Variants in CPNE7 observed in about 807,000 individuals in gnomAD.
The protein encoded by CPNE7 is copine-7.
A neutral mutation model predicts 66.5 loss-of-function variants in CPNE7; 78 were observed. The ratio of observed to expected loss-of-function variants is 1.17; its 90% CI spans 0.98 to 1.42. CPNE7 has a LOEUF of 1.42. CPNE7 is among the 40% of genes most tolerant of loss of function. The pLI is 0.00. For missense variants in CPNE7, 1,012 were observed against 776.6 expected (o/e 1.30, Z -3.60); for synonymous variants, 468 against 336.7 (o/e 1.39, Z -4.27).
In CPNE7 at chr16:89,588,800, C is replaced by T. The variant is rs759716313; in HGVS notation, c.1053C>T (p.Asp351=). 7 of 1,613,376 alleles carry T rather than the reference C, an allele frequency of 4.3e-6. No individual in the cohort carries two copies. The highest frequency in any genetic ancestry group is 5.1e-6 in the Non-Finnish European group (6 of 1,179,866). The change falls in exon 10 of 15, where the codon GAC becomes GAT. Residue 351 remains aspartate, a synonymous_variant. Transcript: ENST00000319518. ...TGTCCGTGGGCGAGATCTGCCAGGA[C>T]TATGACAGGTGCGCCCACCACCTTC... is the stretch of plus-strand genomic sequence containing the variant. ...ALVSVGEICQ[D]YDSDKRFSAL...
At position 89,575,912 on chromosome 16, in the gene CPNE7, G is replaced by C; in HGVS notation, c.15G>C (p.Ser5=). MSAG[S]ERGAAATPGG... ...ACGCCGGGAGCATGAGCGCGGGCTC[G>C]GAGCGCGGGGCGGCGGCAACCCCCG... The change falls in exon 1 of 15, where the codon TCG becomes TCC. Residue 5 remains serine, a synonymous_variant. Transcript: ENST00000319518. The C allele has an allele frequency of 4.8e-6, 6 of 1,244,922 alleles. No individual in the cohort carries two copies. The highest frequency in any genetic ancestry group is 6.0e-6 in the Non-Finnish European group (6 of 993,580). The allele number at this position is 1,244,922 out of a possible 1,614,324, so 77.1% of individuals were successfully genotyped here.
At chr16:89,596,218 G>A (rs755151542) in intron 14 of CPNE7, among the ~76,000 whole-genome samples, 4 of 152,056 alleles carry the variant, frequency 2.6e-5, no homozygotes, top group African/African-American at 9.7e-5. Context: ...GGGGAAGTGT[G>A]GGTGGGGCCT....
In CPNE7 at chr16:89,588,753, A is replaced by C; in HGVS notation, c.1006A>C (p.Asn336His). 6.2e-7 allele frequency: 1 copy of C among 1,613,734 alleles called. No homozygotes were observed. Among genetic ancestry groups the C allele is most frequent in the Non-Finnish European group, 8.5e-7 (1 of 1,179,974 alleles). ...GCACTACATCAACCCCTACCAGCCG[A>C]ACGAGTACCTGAAGGCACTGGTGTC... ...SLHYINPYQP[N>H]EYLKALVSVG... is the part of the protein sequence containing the mutation. Residue 336 changes from asparagine (N) to histidine (H), a missense_variant, in exon 10 of 15, where the codon AAC (asparagine) becomes CAC (histidine). By Grantham distance (68) the Asn-to-His change is moderately conservative. Transcript: ENST00000319518.
intron 1 of CPNE7, 24 bp downstream of exon 1, chr16:89,576,095 G>A: frequency 1.6e-6 from 2 of 1,244,730 alleles, no homozygotes; most frequent in Non-Finnish European, 2.0e-6. Context: ...GTGGGAGGCC[G>A]AGAGGCCACC....
At chr16:89,589,655 T>C (rs544675500) in intron 10 of CPNE7, among the ~76,000 whole-genome samples, 4 of 152,204 alleles carry the variant, frequency 2.6e-5, no homozygotes, top group African/African-American at 9.6e-5. Context: ...GGGGACAGCA[T>C]GTACACAAAC....
At chr16:89,596,362 GGT>G in intron 14 of CPNE7, 120 bp from the exon 15 acceptor site, 1 of 1,352,310 alleles carries the variant, frequency 7.4e-7, no homozygotes, top group Non-Finnish European at 1.0e-6. Context: ...GTGAGCCTCT[GGT>G]GGGGGTGGGT....
intron 11 of CPNE7, 78 bp downstream of exon 11, chr16:89,590,029 G>A (rs1415894305): frequency 4.3e-5 from 66 of 1,539,060 alleles, no homozygotes; most frequent in Non-Finnish European, 5.7e-5. Context: ...CCTGGCCCAG[G>A]GAGCCCTGGC....
rs914313905 is a variant in CPNE7 at position 89,585,705 on chromosome 16, G to C, written c.700G>C (p.Asp234His). The change falls in exon 7 of 15, where the codon GAC becomes CAC. Residue 234 changes from aspartate (D) to histidine (H), a missense_variant. Transcript: ENST00000319518. ...TCCCCAGTGCCTGGTCTGGGATTAC[G>C]ACTCTCGAGGAAAGCACGACTTCAT... is the stretch of plus-strand genomic sequence containing the variant. ...RPLKCLVWDYDSRGKHDFIGE... is the reference protein window; with the variant it reads ...RPLKCLVWDYHSRGKHDFIGE... 6.4e-7 allele frequency: 1 copy of C among 1,551,218 alleles called. No homozygotes were observed. The highest frequency in any genetic ancestry group is 8.7e-7 in the Non-Finnish European group (1 of 1,147,496).
chr16:89,588,658 C>A lies in CPNE7; in HGVS notation c.928-17C>A. 1 of 1,612,736 alleles carries A rather than the reference C, an allele frequency of 6.2e-7. No homozygotes were observed. The highest frequency in any genetic ancestry group is 8.5e-7 in the Non-Finnish European group (1 of 1,179,822). On this transcript the variant is annotated splice_polypyrimidine_tract_variant and intron_variant, in intron 9 of 14. Transcript: ENST00000319518. Reference sequence around the variant, plus strand: ...AGCCCCGGCCCAGCACAGCTCCTGGCTCCCGGCCCACTGCAGGTGGCCATT... The same window carrying A: ...AGCCCCGGCCCAGCACAGCTCCTGGATCCCGGCCCACTGCAGGTGGCCATT...
Position 89,583,893 on chromosome 16 carries a change from C to T in CPNE7, c.432+122C>T. 4 of 1,444,040 alleles carry T rather than the reference C, an allele frequency of 2.8e-6. No homozygotes were observed. The South Asian group carries it at 3.5e-5, about 13-fold the overall frequency. The allele number at this position is 1,444,040 out of a possible 1,614,324, so 89.5% of individuals were successfully genotyped here. On this transcript the variant is annotated intron_variant, in intron 3 of 14. Coordinates refer to ENST00000319518, the MANE Select transcript of CPNE7 (RefSeq NM_153636.3). ...GAGGGTCTGCAGGAGCCGGCAGCTA[C>T]ACAGCCCCGGGGGTACACAGACACC...
chr16:89,588,479 C>T (rs1018380777), intron 9 of CPNE7, among the ~76,000 whole-genome samples, 196 bp from the exon 10 acceptor site: 2 of 152,120 alleles, frequency 1.3e-5, no homozygotes, highest in African/African-American at 4.8e-5. Context: ...AGCCTAGGGG[C>T]TGGCAGGTTT....
Position 89,584,036 on chromosome 16 carries a change from C to A in CPNE7, c.441C>A (p.Ala147=). The change falls in exon 4 of 15, where the codon GCC becomes GCA. Residue 147 remains alanine (A), a synonymous_variant. Transcript: ENST00000319518. The surrounding 1 kb of genome is among the most constrained non-coding windows in gnomAD (Gnocchi z 6.0). Reference sequence around the variant, plus strand: ...GGGCGTCCCCCTGCCAGGTGATCGCCGAGGACATCTCGGGGAACAACGGCT... The same window carrying A: ...GGGCGTCCCCCTGCCAGGTGATCGCAGAGGACATCTCGGGGAACAACGGCT... The part of the protein sequence containing the change: ...NAGKSTITVI[A]EDISGNNGYV... The A allele has an allele frequency of 6.2e-7, 1 of 1,612,196 alleles. No individual in the cohort carries two copies. Among genetic ancestry groups the A allele is most frequent in the South Asian group, 1.1e-5 (1 of 91,058 alleles).
Position 89,584,149 on chromosome 16 carries a change from A to G in CPNE7, c.507+47A>G. On this transcript the variant is annotated intron_variant, in intron 4 of 14. Coordinates refer to ENST00000319518, the MANE Select transcript of CPNE7 (RefSeq NM_153636.3). The surrounding 1 kb of genome is among the most constrained non-coding windows in gnomAD (Gnocchi z 6.0). The stretch of plus-strand genomic sequence containing the variant: ...GCCTGGCTCAGGCTGAGGTCCGGGA[A>G]CCGGTTCGAAAACCCGGTCCCTGCC... 1.3e-6 allele frequency: 2 copies of G among 1,577,742 alleles called. No individual in the cohort carries two copies. The highest frequency in any genetic ancestry group is 1.7e-6 in the Non-Finnish European group (2 of 1,160,644).
chr16:89,583,473 C>T (rs2058986570), intron 2 of CPNE7: 5 of 1,551,388 alleles, frequency 3.2e-6, no homozygotes, highest in Non-Finnish European at 4.4e-6. Flanking sequence ...CCCTGGGCGA[C>T]TGCTGGCGCC....
chr16:89,594,966 T>C (rs955823475), intron 13 of CPNE7, among the ~76,000 whole-genome samples: 5 of 152,126 alleles, frequency 3.3e-5, no homozygotes, highest in East Asian at 1.9e-4. Flanking sequence ...CTCAGTCTTG[T>C]GGCAGCACAG....
Position 89,583,427 on chromosome 16 carries a change from C to T in CPNE7, c.358-270C>T, listed in dbSNP as rs2058985385. 1.3e-6 allele frequency: 2 copies of T among 1,549,024 alleles called. 1 individual carries two copies. The highest frequency in any genetic ancestry group is 3.3e-4 in the Middle Eastern group (2 of 5,990). ...TCCTGGCTTCCACCTGAGCCTGTTT[C>T]CTCACCTGGTAAATAGGTATGATGA... On this transcript the variant is annotated intron_variant, in intron 2 of 14. Coordinates refer to ENST00000319518, the MANE Select transcript of CPNE7 (RefSeq NM_153636.3).
intron 2 of CPNE7, among the ~76,000 whole-genome samples, chr16:89,578,681 AC>A (rs1364978419): frequency 6.7e-6 from 1 of 148,154 alleles, no homozygotes; most frequent in Non-Finnish European, 1.5e-5. Context: ...AATCGGTTGA[AC>A]CCGGGAGGCA....
chr16:89,588,582 T>C, intron 9 of CPNE7, 93 bp from the exon 10 acceptor site: 1 of 1,536,810 alleles, frequency 6.5e-7, no homozygotes, highest in Non-Finnish European at 8.8e-7. Context: ...TGACCCTGAG[T>C]CCTGGCCACT....
In CPNE7 at chr16:89,587,212, G is replaced by T. The variant is rs1480819744; in HGVS notation, c.927+110G>T. 25 of 413,640 alleles carry T rather than the reference G, an allele frequency of 6.0e-5. 2 individuals carry two copies. The highest frequency in any genetic ancestry group is 2.1e-4 in the East Asian group (5 of 24,316). 25.6% of individuals were successfully genotyped at this position (413,640 alleles called of 1,614,324 possible). A position where few individuals can be genotyped will look rare whatever the true frequency, so the allele number is the denominator to read the frequency against. On this transcript the variant is annotated intron_variant, in intron 9 of 14. Coordinates refer to ENST00000319518, the MANE Select transcript of CPNE7 (RefSeq NM_153636.3). ...CCCCGCCCCCTCAGTCTGTGGCCCC[G>T]CCCATCCCCGCCCCCTCAGTCCGTG...
Sources: allele counts gnomAD v4.1 joint callset (sites outside exome capture counted in the v4.1 genomes callset), GRCh38; gene constraint gnomAD v4.1.1; non-coding constraint Gnocchi (gnomAD v3.1); transcripts MANE v1.5; gene names NCBI Gene and HGNC (gene_info 2026-07-23, HGNC 2026-07-21).